KHDRBS2: variants seen among roughly 807,000 people sequenced by gnomAD.
KHDRBS2 encodes KH RNA binding domain containing, signal transduction associated 2.
In KHDRBS2, 26 loss-of-function variants were observed where a neutral mutation model predicts 44.3. The ratio of observed to expected loss-of-function variants is 0.59; its 90% CI spans 0.43 to 0.81. The LOEUF is 0.81. Among genes scored for constraint, KHDRBS2 ranks in the 40% least tolerant of loss-of-function variants. The probability of loss-of-function intolerance (pLI) is 0.00; values close to 1 mark genes in which losing one functional copy is unlikely to be tolerated. For synonymous variants in KHDRBS2, 194 were observed against 151.1 expected (o/e 1.28, Z -2.08); for missense variants, 476 against 433.1 (o/e 1.10, Z -0.88).
chr6:61,913,777 A>G (rs911850633), intron 4 of KHDRBS2, among the ~76,000 whole-genome samples: 1 of 152,054 alleles, frequency 6.6e-6, no homozygotes, highest in African/African-American at 2.4e-5. Context: ...TGAGACCCAA[A>G]TGAAAAGGAG....
the KHDRBS2 span, among the ~76,000 whole-genome samples, chr6:61,613,766 C>T: frequency 1.8e-4 from 28 of 151,406 alleles, no homozygotes; most frequent in African/African-American, 5.6e-4. Flanking sequence ...TTCATACTAA[C>T]CAATTGTAAA....
Position 61,969,854 on chromosome 6 carries a change from C to T in KHDRBS2, c.483+8212G>A, listed in dbSNP as rs575476983. On this transcript the variant is annotated intron_variant, in intron 4 of 8. Coordinates refer to ENST00000281156, the MANE Select transcript of KHDRBS2 (RefSeq NM_152688.4). ...ATAAAGATAAATACTAGTTGGAGGC[C>T]GTAGAATTCTAAATGAGAGGTGTGT... Among the ~76,000 whole-genome samples, 208 of 150,970 alleles carry T rather than the reference C, an allele frequency of 1.4e-3. 1 individual carries two copies. Among genetic ancestry groups the T allele is most frequent in the African/African-American group, 4.8e-3 (196 of 41,194 alleles).
At chr6:61,708,819 T>C (rs1770011479) in intron 7 of KHDRBS2, among the ~76,000 whole-genome samples, 1 of 151,692 alleles carries the variant, frequency 6.6e-6, no homozygotes, top group African/African-American at 2.4e-5. Context: ...AGCCAACTTA[T>C]TGTGAGACAA....
chr6:61,955,249 C>CAT (rs1206122205), intron 4 of KHDRBS2, among the ~76,000 whole-genome samples: 1 of 141,884 alleles, frequency 7.0e-6, no homozygotes, highest in African/African-American at 2.6e-5. Flanking sequence ...TGTATGTATA[C>CAT]ATATATATGT....
chr6:61,893,842 A>T (rs191823722), intron 6 of KHDRBS2, among the ~76,000 whole-genome samples: 1,568 of 152,168 alleles, frequency 0.01, 28 homozygotes, highest in African/African-American at 0.036. Flanking sequence ...GGCATATGTA[A>T]ACATATGTAA....
intron 6 of KHDRBS2, among the ~76,000 whole-genome samples, chr6:61,770,233 GA>G (rs899711563): frequency 1.3e-5 from 2 of 152,120 alleles, no homozygotes; most frequent in African/African-American, 2.4e-5. Flanking sequence ...ACAAAGATGG[GA>G]AAAAAACAGA....
intron 2 of KHDRBS2, among the ~76,000 whole-genome samples, chr6:62,174,217 G>C (rs1315025383): frequency 6.6e-6 from 1 of 151,666 alleles, no homozygotes; most frequent in South Asian, 2.1e-4. Context: ...TAAGTTTCAG[G>C]ATACAAAATC....
Position 61,786,677 on chromosome 6 carries a change from G to C in KHDRBS2, c.811-53913C>G, listed in dbSNP as rs1783868644. On this transcript the variant is annotated intron_variant, in intron 6 of 8. Coordinates refer to ENST00000281156, the MANE Select transcript of KHDRBS2 (RefSeq NM_152688.4). ...TTTTACGACCTAATAATTCTATATT[G>C]GTGGGTAGAAAAAAGTGAAGATCTT... is the stretch of plus-strand genomic sequence containing the variant. Among the ~76,000 whole-genome samples the C allele has an allele frequency of 2.0e-5, 3 of 151,878 alleles. No individual in the cohort carries two copies. In the South Asian group the frequency reaches 6.2e-4, roughly 31 times the overall value.
chr6:62,163,873 G>A (rs146837724), intron 2 of KHDRBS2, among the ~76,000 whole-genome samples: 103 of 152,032 alleles, frequency 6.8e-4, no homozygotes, highest in African/African-American at 2.4e-3. Flanking sequence ...CATATACAGG[G>A]TAGTCATAAA....
At chr6:62,245,518 C>T (rs1835403333) in intron 1 of KHDRBS2, among the ~76,000 whole-genome samples, 1 of 152,024 alleles carries the variant, frequency 6.6e-6, no homozygotes, top group South Asian at 2.1e-4. Flanking sequence ...TAAATAAATG[C>T]AATTATTGAA....
chr6:62,250,059 GATGATAA>G (rs1836266248), intron 1 of KHDRBS2, among the ~76,000 whole-genome samples: 2 of 152,118 alleles, frequency 1.3e-5, no homozygotes, highest in Middle Eastern at 6.8e-3. Context: ...TATGCTTTAA[GATGATAA>G]ATGGGAACAG....
At chr6:61,625,710 C>T in the KHDRBS2 span, among the ~76,000 whole-genome samples, 2 of 152,142 alleles carry the variant, frequency 1.3e-5, no homozygotes, top group African/African-American at 4.8e-5. Flanking sequence ...GGAGGCTTTT[C>T]CTGCTCCTGC....
rs1232889295 is a variant in KHDRBS2 at position 61,723,815 on chromosome 6, G to C, written c.893+8867C>G. Among the ~76,000 whole-genome samples the C allele has an allele frequency of 2.6e-5, 4 of 152,064 alleles. No homozygotes were observed. The East Asian group carries it at 7.7e-4, about 29-fold the overall frequency. On this transcript the variant is annotated intron_variant, in intron 7 of 8. Transcript: ENST00000281156. ...ATGAACAATACCTCTGATTAATATG[G>C]GATTATTTAAAGAGAGCAGACCTAT...
intron 2 of KHDRBS2, among the ~76,000 whole-genome samples, chr6:62,098,932 T>C (rs1262020531): frequency 7.8e-6 from 1 of 128,746 alleles, no homozygotes; most frequent in African/African-American, 3.0e-5. Flanking sequence ...CTCTCTATTA[T>C]ATTTTTTATT....
intron 2 of KHDRBS2, among the ~76,000 whole-genome samples, chr6:62,078,335 C>T (rs1377251652): frequency 6.6e-6 from 1 of 152,028 alleles, no homozygotes; most frequent in Admixed American, 6.6e-5. Context: ...TGTCTCATCT[C>T]TTATTTTATC....
intron 3 of KHDRBS2, among the ~76,000 whole-genome samples, chr6:62,007,114 G>T (rs948688089): frequency 2.0e-5 from 3 of 151,940 alleles, no homozygotes; most frequent in African/African-American, 7.2e-5. Context: ...TAACCACAAG[G>T]GTTGGGAAGG....
chr6:61,892,261 C>T (rs1172769398), intron 6 of KHDRBS2, among the ~76,000 whole-genome samples: 1 of 152,068 alleles, frequency 6.6e-6, no homozygotes, highest in East Asian at 1.9e-4. Context: ...AGGATACAAA[C>T]AAATGGAAGA....
chr6:62,183,262 C>A (rs1163046164), intron 1 of KHDRBS2, among the ~76,000 whole-genome samples: 1 of 151,578 alleles, frequency 6.6e-6, no homozygotes, highest in Admixed American at 6.6e-5. Flanking sequence ...GCAGAAATCA[C>A]AATTATCTGC....
chr6:61,844,821 CTTTA>C (rs1351473929), intron 6 of KHDRBS2, among the ~76,000 whole-genome samples: 1 of 152,086 alleles, frequency 6.6e-6, no homozygotes, highest in East Asian at 1.9e-4. Flanking sequence ...ATTTGACTAT[CTTTA>C]TTTATTTTCC....
Sources: gnomAD v4.1 joint callset for allele counts (sites outside exome capture counted in the v4.1 genomes callset) on GRCh38, gnomAD v4.1.1 for gene constraint, MANE v1.5 for transcripts, NCBI Gene and HGNC (gene_info 2026-07-23, HGNC 2026-07-21) for gene names.